Variants in ZEB1 observed in about 807,000 individuals in gnomAD.
The protein encoded by ZEB1 is zinc finger E-box-binding homeobox 1.
In ZEB1, 21 loss-of-function variants were observed where a neutral mutation model predicts 84.9. The ratio of observed to expected loss-of-function variants is 0.25; its 90% CI spans 0.18 to 0.36. The LOEUF is 0.36. Ranked by LOEUF, ZEB1 falls within the 10% of genes least tolerant of loss-of-function variation. The pLI is 1.00. For synonymous variants in ZEB1, 420 were observed against 471.1 expected, an observed-to-expected ratio of 0.89 and a Z score of 1.41; for missense variants, 1,104 against 1,330.2, an observed-to-expected ratio of 0.83 and a Z score of 2.65.
At chr10:31,378,525 A>T (rs2047078412) in intron 1 of ZEB1, among the ~76,000 whole-genome samples, 1 of 151,728 alleles carries the variant, frequency 6.6e-6, no homozygotes, top group Admixed American at 6.6e-5. Flanking sequence ...AAACATTTTT[A>T]GGGAAAAGAT....
intron 1 of ZEB1, chr10:31,321,045 C>T: frequency 4.3e-6 from 3 of 698,216 alleles, no homozygotes; most frequent in Non-Finnish European, 5.3e-6. Context: ...TATAATGGGA[C>T]CGCTGCAGCG....
intron 1 of ZEB1, among the ~76,000 whole-genome samples, chr10:31,415,778 T>TA (rs2055118677): frequency 6.6e-6 from 1 of 152,110 alleles, no homozygotes; most frequent in South Asian, 2.1e-4. Context: ...GAAACACTAA[T>TA]ATTGATTGGT....
chr10:31,478,943 T>A (rs568707993), intron 2 of ZEB1, among the ~76,000 whole-genome samples: 2 of 151,980 alleles, frequency 1.3e-5, no homozygotes, highest in African/African-American at 4.8e-5. Context: ...CTGTTTGGAT[T>A]ATGGGTACAT....
chr10:31,362,861 T>G, intron 1 of ZEB1: 1 of 1,207,618 alleles, frequency 8.3e-7, no homozygotes, highest in Non-Finnish European at 1.2e-6. Flanking sequence ...AGCAACTGTC[T>G]TAGTCTCCTG....
rs1235557586 is a variant in ZEB1 at position 31,319,227 on chromosome 10, A to G, written c.-8A>G. The G allele has an allele frequency of 6.2e-7, 1 of 1,606,110 alleles. No homozygotes were observed. The highest frequency in any genetic ancestry group is 8.5e-7 in the Non-Finnish European group (1 of 1,177,160). On this transcript the variant is annotated 5_prime_UTR_variant, in exon 1 of 9. Coordinates refer to ENST00000424869, the MANE Select transcript of ZEB1 (RefSeq NM_001174096.2). ...TGACTCGAGCATTTAGACACAAGCG[A>G]GAGGATCATGGCGGATGGCCCCAGG... is the stretch of plus-strand genomic sequence containing the variant.
chr10:31,522,371 T>C (rs779345257), intron 7 of ZEB1, among the ~76,000 whole-genome samples: 17 of 152,232 alleles, frequency 1.1e-4, no homozygotes, highest in Non-Finnish European at 1.9e-4. Context: ...ATCACTTTTA[T>C]ATACTAATAC....
intron 1 of ZEB1, among the ~76,000 whole-genome samples, chr10:31,438,151 C>T (rs1279749039): frequency 1.3e-5 from 2 of 152,204 alleles, no homozygotes; most frequent in Admixed American, 6.5e-5. Flanking sequence ...AGGCCTCCCT[C>T]CTGGCGTCTG....
At chr10:31,354,635 A>T (rs925305018) in intron 1 of ZEB1, among the ~76,000 whole-genome samples, 89 of 152,190 alleles carry the variant, frequency 5.8e-4, no homozygotes, top group Non-Finnish European at 2.2e-4. Context: ...TTTAATTAAA[A>T]TTTTTTTACT....
intron 2 of ZEB1, among the ~76,000 whole-genome samples, chr10:31,475,636 A>G (rs1435136365): frequency 1.3e-5 from 2 of 152,172 alleles, no homozygotes; most frequent in East Asian, 3.9e-4. Context: ...TTAGAGGCCT[A>G]TTTTTAACCA....
At chr10:31,344,968 A>G (rs183412805) in intron 1 of ZEB1, among the ~76,000 whole-genome samples, 2 of 152,278 alleles carry the variant, frequency 1.3e-5, no homozygotes, top group East Asian at 3.9e-4. Flanking sequence ...ACCAGAGGAG[A>G]TGTCTGATAT....
intron 1 of ZEB1, among the ~76,000 whole-genome samples, chr10:31,406,487 A>G (rs2053078826): frequency 6.6e-6 from 1 of 152,000 alleles, no homozygotes; most frequent in South Asian, 2.1e-4. Context: ...GGCCGCATAA[A>G]TGTCTTCTTT....
chr10:31,526,610 C>T, intron 8 of ZEB1, 62 bp from the exon 9 acceptor site: 1 of 1,591,140 alleles, frequency 6.3e-7, no homozygotes, highest in Middle Eastern at 2.0e-4. Context: ...ACCCCAAAAA[C>T]CGTATAAGGA....
intron 1 of ZEB1, among the ~76,000 whole-genome samples, chr10:31,333,835 T>A (rs1280923542): frequency 6.6e-6 from 1 of 152,062 alleles, no homozygotes; most frequent in African/African-American, 2.4e-5. Flanking sequence ...AAAAAGCATA[T>A]TCTCGCTTGA....
intron 1 of ZEB1, among the ~76,000 whole-genome samples, chr10:31,359,043 G>A (rs944296227): frequency 1.3e-5 from 2 of 152,016 alleles, no homozygotes; most frequent in African/African-American, 4.8e-5. Context: ...CCCAAATCAA[G>A]GTAACAAACA....
At chr10:31,485,121 C>T (rs1219700686) in intron 2 of ZEB1, among the ~76,000 whole-genome samples, 1 of 151,852 alleles carries the variant, frequency 6.6e-6, no homozygotes, top group Non-Finnish European at 1.5e-5. Flanking sequence ...ATACCCTGCT[C>T]TTAAAATTTA....
chr10:31,388,969 C>T lies in ZEB1; in HGVS notation c.58+69677C>T, dbSNP rs146078249. ...TTGTAATCTAAGAAGTCTCCCTAAA[C>T]ATACACCTTTTTTAAAGTGAGTTTT... On this transcript the variant is annotated intron_variant, in intron 1 of 8. Transcript: ENST00000424869. Among the ~76,000 whole-genome samples, 1,422 of 152,154 alleles carry T rather than the reference C, an allele frequency of 9.3e-3. 24 individuals carry two copies. Among genetic ancestry groups the T allele is most frequent in the African/African-American group, 0.033 (1,357 of 41,528 alleles).
chr10:31,370,388 A>G (rs2045483665), intron 1 of ZEB1, among the ~76,000 whole-genome samples: 1 of 152,188 alleles, frequency 6.6e-6, no homozygotes. Context: ...AGTCAGGTGG[A>G]TCACGAGGTC....
chr10:31,476,085 C>G (rs2064130615), intron 2 of ZEB1, among the ~76,000 whole-genome samples: 1 of 151,798 alleles, frequency 6.6e-6, no homozygotes, highest in African/African-American at 2.4e-5. Flanking sequence ...AGTAAAGGGA[C>G]TAGCAGAAGA....
intron 1 of ZEB1, among the ~76,000 whole-genome samples, chr10:31,403,048 A>G (rs2135526289): frequency 6.6e-6 from 1 of 152,270 alleles, no homozygotes; most frequent in South Asian, 2.1e-4. Context: ...TATAGTAAAT[A>G]TAATCTAGGA....
Sources: allele counts gnomAD v4.1 joint callset (sites outside exome capture counted in the v4.1 genomes callset), GRCh38; gene constraint gnomAD v4.1.1; transcripts MANE v1.5; gene names NCBI Gene and HGNC (gene_info 2026-07-23, HGNC 2026-07-21).